MYT1: variants seen among roughly 807,000 people sequenced by gnomAD.
MYT1 encodes myelin transcription factor 1.
Under a neutral mutation model 123.0 loss-of-function variants are expected in MYT1, and 23 were observed. The ratio of observed to expected loss-of-function variants is 0.19; its 90% CI spans 0.13 to 0.26. The LOEUF is 0.26. Ranked by LOEUF, MYT1 falls within the 10% of genes least tolerant of loss-of-function variation. The probability of loss-of-function intolerance (pLI) is 1.00; values close to 1 mark genes in which losing one functional copy is unlikely to be tolerated. For missense variants in MYT1, 1,125 were observed against 1,472.5 expected (o/e 0.76, Z 3.86); for synonymous variants, 518 against 575.3 (o/e 0.90, Z 1.43).
chr20:64,222,116 T>G, intron 14 of MYT1, 69 bp downstream of exon 14: 1 of 1,563,234 alleles, frequency 6.4e-7, no homozygotes, highest in Non-Finnish European at 8.7e-7. Context: ...CAGGCCCTGG[T>G]CCCAACCCAT....
chr20:64,239,471 G>T (rs1043784217), intron 21 of MYT1, among the ~76,000 whole-genome samples: 1 of 152,090 alleles, frequency 6.6e-6, no homozygotes, highest in Non-Finnish European at 1.5e-5. Flanking sequence ...TCTCCTGCAC[G>T]GCGGGTTTCA....
At chr20:64,220,357 C>T (rs1983965623) in intron 13 of MYT1, among the ~76,000 whole-genome samples, 1 of 152,180 alleles carries the variant, frequency 6.6e-6, no homozygotes, top group Non-Finnish European at 1.5e-5. Flanking sequence ...GGTTTTGAGC[C>T]TCCCACCACC....
chr20:64,187,502 C>G (rs922231650), intron 1 of MYT1, among the ~76,000 whole-genome samples: 2 of 149,056 alleles, frequency 1.3e-5, no homozygotes, highest in Non-Finnish European at 3.0e-5. Context: ...CCGGCATCCA[C>G]GTTTCCGTGG....
chr20:64,194,358 C>A (rs973186597), intron 2 of MYT1, among the ~76,000 whole-genome samples: 1 of 152,262 alleles, frequency 6.6e-6, no homozygotes, highest in Non-Finnish European at 1.5e-5. Context: ...CCTCCCCATC[C>A]CTACCTGGCT....
chr20:64,177,786 C>T (rs939916596), intron 1 of MYT1, among the ~76,000 whole-genome samples: 1 of 152,180 alleles, frequency 6.6e-6, no homozygotes, highest in African/African-American at 2.4e-5. Context: ...TCCACCTTCC[C>T]CTCAGCCCCA....
At chr20:64,235,228 C>T (rs556283581) in intron 19 of MYT1, among the ~76,000 whole-genome samples, 2 of 81,218 alleles carry the variant, frequency 2.5e-5, no homozygotes, top group Admixed American at 9.9e-5. Flanking sequence ...GTGTGTGACC[C>T]GGGGCTGGCC....
intron 1 of MYT1, among the ~76,000 whole-genome samples, chr20:64,165,356 G>A (rs1000905690): frequency 2.6e-5 from 4 of 152,058 alleles, no homozygotes; most frequent in East Asian, 1.9e-4. Flanking sequence ...CCCTTTTTTC[G>A]CTACGTGTCC....
chr20:64,232,139 C>T lies in MYT1; in HGVS notation c.2676-25C>T, dbSNP rs777253053. Reference sequence around the variant, plus strand: ...CTCCTCCCAACCCTTCGCCCCTGTACTCACCCCGGCCTCTCTGTACCCAGG... The same window carrying T: ...CTCCTCCCAACCCTTCGCCCCTGTATTCACCCCGGCCTCTCTGTACCCAGG... On this transcript the variant is annotated intron_variant, in intron 18 of 22. Coordinates refer to ENST00000328439, the MANE Select transcript of MYT1 (RefSeq NM_004535.3). This position sits in a 1 kb window ranked among gnomAD's most constrained non-coding sequence, Gnocchi z 6.9. 12 of 1,610,698 alleles carry T rather than the reference C, an allele frequency of 7.5e-6. No individual in the cohort carries two copies. The highest frequency in any genetic ancestry group is 1.1e-5 in the South Asian group (1 of 91,026).
rs1345159548 is a variant in MYT1, at chr20:64,189,434, T to G, written c.-98-629T>G. Among the ~76,000 whole-genome samples the G allele has an allele frequency of 6.6e-6, 1 of 152,152 alleles. No individual in the cohort carries two copies. Among genetic ancestry groups the G allele is most frequent in the Admixed American group, 6.6e-5 (1 of 15,264 alleles). ...GGGAATTTATGTGAGGAATTAAATA[T>G]TAACTGGAGGCATTGCCCTGGAGAG... is the stretch of plus-strand genomic sequence containing the variant. On this transcript the variant is annotated intron_variant, in intron 1 of 22. Coordinates refer to ENST00000328439, the MANE Select transcript of MYT1 (RefSeq NM_004535.3). This position sits in a 1 kb window ranked among gnomAD's most constrained non-coding sequence, Gnocchi z 5.5.
intron 6 of MYT1, among the ~76,000 whole-genome samples, chr20:64,206,052 TG>T (rs1983482222): frequency 6.6e-6 from 1 of 151,992 alleles, no homozygotes; most frequent in Non-Finnish European, 1.5e-5. Flanking sequence ...GACACGGGGC[TG>T]GTGTGTGTGT....
At chr20:64,201,395 T>C (rs1056829992) in intron 4 of MYT1, among the ~76,000 whole-genome samples, 1 of 152,240 alleles carries the variant, frequency 6.6e-6, no homozygotes, top group African/African-American at 2.4e-5. Flanking sequence ...AACTTTTTAA[T>C]GGAGAAACTA....
rs1190271969 is a variant in MYT1 at position 64,189,781 on chromosome 20, C to T, written c.-98-282C>T. ...TGCCTTGTCCCAGCACTCTGCTGGC[C>T]GTGGTTGTCAGTGGGAACCAACACC... On this transcript the variant is annotated intron_variant, in intron 1 of 22. Transcript: ENST00000328439. The surrounding 1 kb of genome is among the most constrained non-coding windows in gnomAD (Gnocchi z 5.5). Among the ~76,000 whole-genome samples the T allele has an allele frequency of 7.9e-5, 12 of 152,132 alleles. No homozygotes were observed. Among genetic ancestry groups the T allele is most frequent in the Admixed American group, 7.9e-4 (12 of 15,278 alleles).
chr20:64,231,067 G>A lies in MYT1; in HGVS notation c.2676-1097G>A, dbSNP rs1222292992. ...CCCCGCCCCCTGCTACCGTCCTCCC[G>A]AGCGCTTCCTGCGCTGACAGTGACT... On this transcript the variant is annotated intron_variant, in intron 18 of 22. Transcript: ENST00000328439. This position sits in a 1 kb window ranked among gnomAD's most constrained non-coding sequence, Gnocchi z 6.4. 9.9e-5 allele frequency among the ~76,000 whole-genome samples: 12 copies of A among 121,642 alleles called. No individual in the cohort carries two copies. The highest frequency in any genetic ancestry group is 2.8e-4 in the African/African-American group (9 of 32,038). 79.8% of individuals were successfully genotyped at this position (121,642 alleles called of 152,430 possible). A position where few individuals can be genotyped will look rare whatever the true frequency, so the allele number is the denominator to read the frequency against.
At position 64,196,258 on chromosome 20, in the gene MYT1, G is replaced by A. The variant is rs1160909620; in HGVS notation, c.1-2604G>A. On this transcript the variant is annotated intron_variant, in intron 2 of 22. Transcript: ENST00000328439. The surrounding 1 kb of genome is among the most constrained non-coding windows in gnomAD (Gnocchi z 4.3). ...AGGGCCCAGCTGTCATTGTGTGGTG[G>A]GGGCAGAAGGTCTGGGGGGCTGCCG... Among the ~76,000 whole-genome samples, 1 of 152,192 alleles carries A rather than the reference G, an allele frequency of 6.6e-6. No individual in the cohort carries two copies. The highest frequency in any genetic ancestry group is 1.5e-5 in the Non-Finnish European group (1 of 68,036).
rs1051681140 is a variant in MYT1 at position 64,203,293 on chromosome 20, C to T, written c.87-1742C>T. 5.3e-5 allele frequency among the ~76,000 whole-genome samples: 8 copies of T among 152,342 alleles called. No homozygotes were observed. Among genetic ancestry groups the T allele is most frequent in the East Asian group, 3.9e-4 (2 of 5,184 alleles). Reference sequence around the variant, plus strand: ...TGCCTGATTCACTCAGTGATGTCATCGGCTAATTGGGACCTTAGCTTCAAA... The same window carrying T: ...TGCCTGATTCACTCAGTGATGTCATTGGCTAATTGGGACCTTAGCTTCAAA... On this transcript the variant is annotated intron_variant, in intron 4 of 22. Transcript: ENST00000328439. This position sits in a 1 kb window ranked among gnomAD's most constrained non-coding sequence, Gnocchi z 5.1.
chr20:64,212,887 C>G lies in MYT1; in HGVS notation c.1518-647C>G, dbSNP rs1983724773. Among the ~76,000 whole-genome samples the G allele has an allele frequency of 6.6e-6, 1 of 152,182 alleles. No homozygotes were observed. Among genetic ancestry groups the G allele is most frequent in the South Asian group, 2.1e-4 (1 of 4,828 alleles). ...TTTCCCCCAGCAGGCTTATGCTCAGCTGAAAGGACTGCCAGAGCTTTTGAG... is the reference window on the plus strand; with the variant it reads ...TTTCCCCCAGCAGGCTTATGCTCAGGTGAAAGGACTGCCAGAGCTTTTGAG... On this transcript the variant is annotated intron_variant, in intron 9 of 22. Transcript: ENST00000328439. The surrounding 1 kb of genome is among the most constrained non-coding windows in gnomAD (Gnocchi z 6.8).
intron 1 of MYT1, among the ~76,000 whole-genome samples, chr20:64,170,892 GAGAGA>G (rs1982250259): frequency 1.9e-5 from 1 of 52,210 alleles, no homozygotes; most frequent in Non-Finnish European, 3.5e-5. Context: ...TATAGAGAGA[GAGAGA>G]GAGAGAGAGA....
chr20:64,210,968 C>T (rs572513768), intron 7 of MYT1, among the ~76,000 whole-genome samples: 22 of 152,240 alleles, frequency 1.4e-4, no homozygotes, highest in Admixed American at 2.6e-4. Flanking sequence ...TAAAACGCTG[C>T]ACAAACTGCT....
chr20:64,211,544 G>T (rs1030601845), intron 8 of MYT1, among the ~76,000 whole-genome samples: 5 of 152,194 alleles, frequency 3.3e-5, no homozygotes, highest in Non-Finnish European at 2.9e-5. Flanking sequence ...CTGGGGCCCT[G>T]CAACCAGCCC....
Sources: allele counts gnomAD v4.1 joint callset (sites outside exome capture counted in the v4.1 genomes callset), GRCh38; gene constraint gnomAD v4.1.1; non-coding constraint Gnocchi (gnomAD v3.1); transcripts MANE v1.5; gene names NCBI Gene and HGNC (gene_info 2026-07-23, HGNC 2026-07-21).